Variants in PCDH15 observed in about 807,000 individuals in gnomAD.
The protein encoded by PCDH15 is protocadherin-15.
In PCDH15, 129 loss-of-function variants were observed where a neutral mutation model predicts 178.5. That is an observed-to-expected ratio of 0.72 (90% CI 0.63 to 0.84). The LOEUF (loss-of-function observed/expected upper bound fraction) is 0.84, where lower values mean the gene tolerates loss of function less well. PCDH15 is among the 40% of genes least tolerant of loss of function. The pLI, the probability that PCDH15 is intolerant of heterozygous loss-of-function variation, is 0.00. For synonymous variants in PCDH15, 800 were observed against 732.0 expected, an observed-to-expected ratio of 1.09 and a Z score of -1.50; for missense variants, 2,230 against 2,099.9, an observed-to-expected ratio of 1.06 and a Z score of -1.21.
At chr10:53,831,173 G>T in intron 30 of PCDH15, 142 bp downstream of exon 30, 1 of 824,572 alleles carries the variant, frequency 1.2e-6, no homozygotes, top group Non-Finnish European at 2.1e-6. Context: ...AAAATCATTT[G>T]GTACGAGATA....
chr10:53,890,402 G>A (rs1183775002), intron 26 of PCDH15, among the ~76,000 whole-genome samples: 1 of 152,130 alleles, frequency 6.6e-6, no homozygotes, highest in Non-Finnish European at 1.5e-5. Context: ...TGTCCAGCCT[G>A]GGCGACAGAG....
chr10:55,557,035 T>A (rs1405472341), intron 2 of PCDH15, among the ~76,000 whole-genome samples: 2 of 152,174 alleles, frequency 1.3e-5, no homozygotes, highest in African/African-American at 4.8e-5. Flanking sequence ...GGTGACTATC[T>A]CTCTGCTGCT....
chr10:55,315,806 A>T (rs1329003848), intron 1 of PCDH15, among the ~76,000 whole-genome samples: 1 of 152,096 alleles, frequency 6.6e-6, no homozygotes. Context: ...TCACGAGGTC[A>T]GAAGTTCAAG....
chr10:55,531,710 AG>A (rs1220780913), intron 2 of PCDH15, among the ~76,000 whole-genome samples: 2 of 152,050 alleles, frequency 1.3e-5, no homozygotes, highest in African/African-American at 4.8e-5. Flanking sequence ...ATTGAATAAC[AG>A]ATGTTGTAGC....
At chr10:54,574,541 G>A (rs4575172) in intron 2 of PCDH15, among the ~76,000 whole-genome samples, 136,119 of 148,446 alleles carry the variant, frequency 0.92, 63,003 homozygotes, top group Middle Eastern at 0.98. Context: ...CAAAAAACAC[G>A]TGAAAAAATG....
At chr10:55,335,046 G>T (rs1217220933) in intron 2 of PCDH15, among the ~76,000 whole-genome samples, 1 of 152,144 alleles carries the variant, frequency 6.6e-6, no homozygotes, top group East Asian at 1.9e-4. Context: ...AGAGTGGATT[G>T]CAATCTGCTA....
chr10:55,578,044 G>C (rs564993658), intron 2 of PCDH15, among the ~76,000 whole-genome samples: 63 of 151,958 alleles, frequency 4.1e-4, no homozygotes, highest in African/African-American at 1.4e-3. Context: ...TCTAAAATTT[G>C]TTTAACCTTA....
At chr10:54,599,738 A>G in intron 2 of PCDH15, 1 of 476,512 alleles carries the variant, frequency 2.1e-6, no homozygotes, top group Non-Finnish European at 4.0e-6. Context: ...GAAAAGGAAG[A>G]AGAAGAGGAG....
chr10:54,499,608 A>G (rs1316718162), intron 3 of PCDH15, among the ~76,000 whole-genome samples: 1 of 152,164 alleles, frequency 6.6e-6, no homozygotes, highest in Non-Finnish European at 1.5e-5. Context: ...GAAATAAAAA[A>G]AATTATTTGA....
intron 2 of PCDH15, among the ~76,000 whole-genome samples, chr10:55,461,694 T>C (rs1839682371): frequency 6.6e-6 from 1 of 152,090 alleles, no homozygotes; most frequent in Admixed American, 6.6e-5. Flanking sequence ...TTTACTTTAT[T>C]GGACACCATG....
intron 2 of PCDH15, among the ~76,000 whole-genome samples, chr10:54,637,138 AAAAC>A (rs1226432626): frequency 6.6e-6 from 1 of 151,802 alleles, no homozygotes; most frequent in East Asian, 1.9e-4. Context: ...AAAAAAAAAA[AAAAC>A]AATTCAGGGA....
chr10:54,045,644 T>C (rs2093640221), intron 18 of PCDH15, among the ~76,000 whole-genome samples: 1 of 152,058 alleles, frequency 6.6e-6, no homozygotes, highest in Admixed American at 6.6e-5. Flanking sequence ...GTGGGAAATA[T>C]ATATATTTAT....
chr10:54,913,808 T>C (rs1349879602), intron 2 of PCDH15, among the ~76,000 whole-genome samples: 2 of 152,172 alleles, frequency 1.3e-5, no homozygotes, highest in Non-Finnish European at 2.9e-5. Flanking sequence ...AAAAATATTA[T>C]TTTGGAGCTT....
intron 2 of PCDH15, among the ~76,000 whole-genome samples, chr10:55,521,591 T>C (rs1221153519): frequency 2.8e-4 from 42 of 151,972 alleles, no homozygotes; most frequent in Admixed American, 2.7e-3. Flanking sequence ...ATATTCTCTA[T>C]TTATCTGTCC....
chr10:54,781,736 A>T (rs1483795637), intron 1 of PCDH15, among the ~76,000 whole-genome samples: 1 of 152,154 alleles, frequency 6.6e-6, no homozygotes, highest in Non-Finnish European at 1.5e-5. Context: ...CTGGATTTGA[A>T]TATCATAGCT....
At chr10:55,162,318 T>C (rs746960665) in intron 2 of PCDH15, among the ~76,000 whole-genome samples, 3 of 152,196 alleles carry the variant, frequency 2.0e-5, no homozygotes, top group Non-Finnish European at 4.4e-5. Flanking sequence ...TAACTATGTT[T>C]CTTTAACTTG....
chr10:54,717,567 T>A (rs1189724828), intron 1 of PCDH15, among the ~76,000 whole-genome samples: 2 of 141,200 alleles, frequency 1.4e-5, no homozygotes, highest in African/African-American at 5.4e-5. Flanking sequence ...TGAGATATCA[T>A]CTCACACCAG....
intron 5 of PCDH15, among the ~76,000 whole-genome samples, chr10:54,346,771 C>T (rs1482336220): frequency 1.3e-5 from 2 of 152,154 alleles, no homozygotes; most frequent in Non-Finnish European, 2.9e-5. Flanking sequence ...TATGTTAGCT[C>T]CTGTGGAGAA....
At chr10:55,252,194 C>T (rs189683406) in intron 1 of PCDH15, among the ~76,000 whole-genome samples, 1 of 152,176 alleles carries the variant, frequency 6.6e-6, no homozygotes, top group African/African-American at 2.4e-5. Flanking sequence ...GACTAATGAG[C>T]CTTTTACAGA....
Sources: gnomAD v4.1 joint callset for allele counts (sites outside exome capture counted in the v4.1 genomes callset) on GRCh38, gnomAD v4.1.1 for gene constraint, MANE v1.5 for transcripts, NCBI Gene and HGNC (gene_info 2026-07-23, HGNC 2026-07-21) for gene names.